SSH2: variants seen among roughly 807,000 people sequenced by gnomAD.
SSH2 encodes protein phosphatase Slingshot homolog 2.
Under a neutral mutation model 135.2 loss-of-function variants are expected in SSH2, and 37 were observed. The observed-to-expected ratio is 0.27, with a 90% CI of 0.21 to 0.36. The LOEUF (loss-of-function observed/expected upper bound fraction) is 0.36, where lower values mean the gene tolerates loss of function less well. Among genes scored for constraint, SSH2 ranks in the 10% least tolerant of loss-of-function variants. SSH2 has a pLI of 1.00. For missense variants in SSH2, 1,408 were observed against 1,765.3 expected (o/e 0.80, Z 3.63); for synonymous variants, 628 against 646.2 (o/e 0.97, Z 0.43).
chr17:29,779,354 C>T (rs556123773), intron 3 of SSH2, among the ~76,000 whole-genome samples: 3 of 152,302 alleles, frequency 2.0e-5, no homozygotes, highest in Admixed American at 2.0e-4. Context: ...TAAAGGTGTA[C>T]ACTTAACCAT....
intron 8 of SSH2, among the ~76,000 whole-genome samples, chr17:29,672,437 C>A (rs2037532217): frequency 6.6e-6 from 1 of 152,078 alleles, no homozygotes; most frequent in African/African-American, 2.4e-5. Context: ...ATAGTTGGGA[C>A]CATGCAGTGA....
chr17:29,894,929 A>G (rs532929050), intron 1 of SSH2, among the ~76,000 whole-genome samples: 1 of 145,590 alleles, frequency 6.9e-6, no homozygotes, highest in Non-Finnish European at 1.5e-5. Flanking sequence ...AAATTCTTCC[A>G]TATTCCTCAT....
At chr17:29,835,916 G>A (rs1204610193) in intron 2 of SSH2, among the ~76,000 whole-genome samples, 3 of 144,482 alleles carry the variant, frequency 2.1e-5, no homozygotes, top group Non-Finnish European at 3.0e-5. Context: ...CTGAGATCAC[G>A]CCACTGCACT....
intron 1 of SSH2, among the ~76,000 whole-genome samples, chr17:29,870,414 A>G (rs1174501031): frequency 1.3e-5 from 2 of 152,182 alleles, no homozygotes; most frequent in African/African-American, 4.8e-5. Context: ...TTGTTTGTGA[A>G]GAGGAGAACT....
At chr17:29,821,249 A>T (rs1392575318) in intron 2 of SSH2, among the ~76,000 whole-genome samples, 1 of 151,952 alleles carries the variant, frequency 6.6e-6, no homozygotes, top group African/African-American at 2.4e-5. Context: ...TTCACATCTT[A>T]TTTATTTATC....
chr17:29,687,175 T>C (rs1256765323), intron 5 of SSH2, among the ~76,000 whole-genome samples: 2 of 152,160 alleles, frequency 1.3e-5, no homozygotes, highest in African/African-American at 4.8e-5. Context: ...CATTCCAAAA[T>C]GGCCAGGCCA....
intron 4 of SSH2, among the ~76,000 whole-genome samples, chr17:29,697,961 T>G (rs909636585): frequency 6.6e-6 from 1 of 152,218 alleles, no homozygotes; most frequent in Non-Finnish European, 1.5e-5. Context: ...AAATGATGAA[T>G]GGATAAATAA....
At chr17:29,910,438 G>GACCACAATCTGACCCA (rs1231922377) in intron 1 of SSH2, among the ~76,000 whole-genome samples, 4 of 152,056 alleles carry the variant, frequency 2.6e-5, no homozygotes, top group African/African-American at 9.7e-5. Context: ...TCATTAATTT[G>GACCACAATCTGACCCA]AGCACCACAA....
intron 14 of SSH2, among the ~76,000 whole-genome samples, chr17:29,638,312 A>T (rs937531833): frequency 1.3e-5 from 2 of 151,332 alleles, no homozygotes; most frequent in African/African-American, 4.9e-5. Flanking sequence ...GAAAAAAAAA[A>T]CCTGTCAGGT....
chr17:29,796,829 G>T (rs1290126927), intron 2 of SSH2, among the ~76,000 whole-genome samples: 2 of 145,844 alleles, frequency 1.4e-5, no homozygotes, highest in African/African-American at 2.5e-5. Context: ...TTTGTTTAGA[G>T]ATAAGATCTT....
At chr17:29,786,850 G>A (rs533961517) in intron 3 of SSH2, among the ~76,000 whole-genome samples, 69 of 152,082 alleles carry the variant, frequency 4.5e-4, no homozygotes, top group African/African-American at 1.6e-3. Flanking sequence ...AGCTACTTGG[G>A]AGGCTCAAGT....
At chr17:29,761,887 A>ATATATATT (rs1189981277) in intron 3 of SSH2, among the ~76,000 whole-genome samples, 1 of 143,602 alleles carries the variant, frequency 7.0e-6, no homozygotes, top group African/African-American at 2.7e-5. Flanking sequence ...ATATATATAT[A>ATATATATT]TTTTTTTTTG....
At position 29,636,276 on chromosome 17, in the gene SSH2, T is replaced by G. The variant is rs562474149; in HGVS notation, c.1954A>C (p.Met652Leu). 10 of 1,613,662 alleles carry G rather than the reference T, an allele frequency of 6.2e-6. No individual in the cohort carries two copies. The South Asian group carries it at 9.9e-5, about 16-fold the overall frequency. ...CTTGGTGACTCAGGATCAGGGGACA[T>G]GGGGGGGTCTTTCAGTGGAGATGTC... is the stretch of plus-strand genomic sequence containing the variant. ...ELTSPLKDPP[M>L]SPDPESPSPQ... Residue 652 changes from methionine (M) to leucine (L), a missense_variant, in exon 15 of 16, where the codon ATG becomes CTG. Coordinates refer to ENST00000540801, the MANE Select transcript of SSH2 (RefSeq NM_001282129.2).
intron 3 of SSH2, among the ~76,000 whole-genome samples, chr17:29,787,076 T>C (rs1394611429): frequency 6.6e-6 from 1 of 152,190 alleles, no homozygotes; most frequent in Non-Finnish European, 1.5e-5. Context: ...CCACCACCAC[T>C]ATCCATTTCT....
chr17:29,830,452 GCTATATT>G (rs2042825512), intron 2 of SSH2, among the ~76,000 whole-genome samples: 1 of 152,132 alleles, frequency 6.6e-6, no homozygotes. Context: ...GTCCCTGATT[GCTATATT>G]CTCATAGTAT....
At chr17:29,686,954 C>G (rs1429058103) in intron 5 of SSH2, among the ~76,000 whole-genome samples, 2 of 152,318 alleles carry the variant, frequency 1.3e-5, no homozygotes, top group South Asian at 4.1e-4. Context: ...GGATTACAGG[C>G]GTGAGCCACC....
At chr17:29,857,659 A>AT (rs2065687202) in intron 1 of SSH2, among the ~76,000 whole-genome samples, 2 of 152,124 alleles carry the variant, frequency 1.3e-5, no homozygotes, top group South Asian at 4.1e-4. Flanking sequence ...AATTTTTAAA[A>AT]TTTTTCTGTA....
At chr17:29,787,140 T>A (rs2151296748) in intron 3 of SSH2, among the ~76,000 whole-genome samples, 1 of 152,254 alleles carries the variant, frequency 6.6e-6, no homozygotes, top group African/African-American at 2.4e-5. Flanking sequence ...GGCAATAACT[T>A]CCCACTCCAT....
intron 1 of SSH2, among the ~76,000 whole-genome samples, chr17:29,868,504 G>A (rs145824158): frequency 1.6e-4 from 24 of 152,222 alleles, no homozygotes; most frequent in East Asian, 7.7e-4. Flanking sequence ...TTGGGAGGCC[G>A]AGGCGGGCAG....
Sources: gnomAD v4.1 joint callset for allele counts (sites outside exome capture counted in the v4.1 genomes callset) on GRCh38, gnomAD v4.1.1 for gene constraint, MANE v1.5 for transcripts, NCBI Gene and HGNC (gene_info 2026-07-23, HGNC 2026-07-21) for gene names.